The following SLC8A1 variants were observed in gnomAD, a reference collection of about 807,000 sequenced individuals.
The protein encoded by SLC8A1 is sodium/calcium exchanger 1.
A neutral mutation model predicts 68.3 loss-of-function variants in SLC8A1; 18 were observed. The ratio of observed to expected loss-of-function variants is 0.26; its 90% confidence interval spans 0.18 to 0.39. The LOEUF is 0.39. SLC8A1 is among the 10% of genes least tolerant of loss of function. The pLI is 1.00. For synonymous variants in SLC8A1, 475 were observed against 415.5 expected (o/e 1.14, Z -1.74); for missense variants, 985 against 1,156.7 (o/e 0.85, Z 2.15).
chr2:40,183,613 GC>G (rs2050060323), intron 2 of SLC8A1, among the ~76,000 whole-genome samples: 5 of 152,162 alleles, frequency 3.3e-5, no homozygotes, highest in Non-Finnish European at 7.3e-5. Flanking sequence ...CACAGAATCT[GC>G]ATTTTAACAA....
intron 1 of SLC8A1, among the ~76,000 whole-genome samples, chr2:40,506,884 C>G (rs971273577): frequency 2.0e-5 from 3 of 151,936 alleles, no homozygotes; most frequent in Non-Finnish European, 4.4e-5. Flanking sequence ...CCGCACATGT[C>G]TGGTAGAATG....
Position 40,379,056 on chromosome 2 carries a change from G to A in SLC8A1, c.1808+49417C>T, listed in dbSNP as rs903608963. ...TGTCCATCTTTGTCACTGTTTTACC[G>A]CCAGTTTCCAGAATAGCATCTGGCT... On this transcript the variant is annotated intron_variant, in intron 2 of 7. Transcript: ENST00000406785. Among the ~76,000 whole-genome samples, 5 of 152,010 alleles carry A rather than the reference G, an allele frequency of 3.3e-5. No homozygotes were observed. In the South Asian group the frequency reaches 6.2e-4, roughly 19 times the overall value.
Position 40,176,043 on chromosome 2 carries a change from C to T in SLC8A1, c.1913-1201G>A, listed in dbSNP as rs576486333. ...GGGCATTGGGTTGGGGGGAGGGGGA[C>T]GTATAATTTGTCTTTCAGCTTATGT... is the stretch of plus-strand genomic sequence containing the variant. On this transcript the variant is annotated intron_variant, in intron 3 of 7. Coordinates refer to ENST00000406785, the Ensembl canonical transcript of SLC8A1. 2.0e-4 allele frequency: 84 copies of T among 428,054 alleles called. No homozygotes were observed. In the East Asian group the frequency reaches 4.1e-3, roughly 21 times the overall value. 26.5% of individuals were successfully genotyped at this position (428,054 alleles called of 1,614,324 possible). A position where few individuals can be genotyped will look rare whatever the true frequency, so the allele number is the denominator to read the frequency against.
intron 2 of SLC8A1, among the ~76,000 whole-genome samples, chr2:40,262,926 A>T (rs1210856578): frequency 6.6e-6 from 1 of 152,248 alleles, no homozygotes; most frequent in Non-Finnish European, 1.5e-5. Flanking sequence ...CCACAGAGGT[A>T]CCCAAGAATC....
intron 2 of SLC8A1, among the ~76,000 whole-genome samples, chr2:40,348,399 C>T (rs1042518968): frequency 1.3e-5 from 2 of 152,176 alleles, no homozygotes; most frequent in Non-Finnish European, 2.9e-5. Flanking sequence ...GATCTCCTAT[C>T]CCATCAAAGA....
chr2:40,290,714 T>C (rs896301039), intron 2 of SLC8A1, among the ~76,000 whole-genome samples: 19 of 152,174 alleles, frequency 1.2e-4, no homozygotes, highest in Non-Finnish European at 1.5e-4. Context: ...ATTTGAAGGA[T>C]CCTAAAATAC....
intron 2 of SLC8A1, among the ~76,000 whole-genome samples, chr2:40,293,570 C>T (rs2069737280): frequency 6.6e-6 from 1 of 152,226 alleles, no homozygotes; most frequent in East Asian, 1.9e-4. Flanking sequence ...GCTCTCTTCC[C>T]TTAATATGAG....
At chr2:40,333,958 G>A (rs920987586) in intron 2 of SLC8A1, among the ~76,000 whole-genome samples, 5 of 152,122 alleles carry the variant, frequency 3.3e-5, no homozygotes, top group East Asian at 1.9e-4. Flanking sequence ...TGAGGCAGGC[G>A]AATCACTTGA....
intron 2 of SLC8A1, among the ~76,000 whole-genome samples, chr2:40,358,297 A>C (rs1673402996): frequency 6.6e-6 from 1 of 151,698 alleles, no homozygotes; most frequent in African/African-American, 2.4e-5. Flanking sequence ...AAGACCCACC[A>C]CATTGTGCCC....
chr2:40,455,651 G>C (rs574077407), upstream of SLC8A1, among the ~76,000 whole-genome samples: 1 of 152,186 alleles, frequency 6.6e-6, no homozygotes, highest in East Asian at 1.9e-4. Context: ...TCCCAGTTTT[G>C]TTCTTTAGGT....
At chr2:40,371,240 G>C (rs765391696) in intron 2 of SLC8A1, among the ~76,000 whole-genome samples, 3 of 152,076 alleles carry the variant, frequency 2.0e-5, no homozygotes, top group African/African-American at 4.8e-5. Flanking sequence ...TTTCAGTGTA[G>C]GGGTTAAGAT....
intron 2 of SLC8A1, among the ~76,000 whole-genome samples, chr2:40,277,222 T>C (rs1186127152): frequency 6.8e-6 from 1 of 147,738 alleles, no homozygotes; most frequent in East Asian, 2.2e-4. Flanking sequence ...TTGCCCTCTC[T>C]ATGCCTGTTT....
chr2:40,230,564 T>C (rs1241269284), intron 2 of SLC8A1, among the ~76,000 whole-genome samples: 1 of 152,184 alleles, frequency 6.6e-6, no homozygotes, highest in Non-Finnish European at 1.5e-5. Context: ...AGGATACACA[T>C]GATAGGCGTG....
intron 2 of SLC8A1, among the ~76,000 whole-genome samples, chr2:40,271,508 A>G (rs1215742190): frequency 6.6e-6 from 1 of 151,972 alleles, no homozygotes; most frequent in Non-Finnish European, 1.5e-5. Flanking sequence ...CCCTCACTGA[A>G]CCTATTTTTC....
intron 2 of SLC8A1, among the ~76,000 whole-genome samples, chr2:40,426,742 A>G (rs1489372269): frequency 4.6e-5 from 7 of 152,078 alleles, no homozygotes; most frequent in African/African-American, 1.4e-4. Context: ...AGTTCATTTA[A>G]CGACATGAAA....
At chr2:40,245,171 C>T (rs1473145707) in intron 2 of SLC8A1, among the ~76,000 whole-genome samples, 1 of 120,350 alleles carries the variant, frequency 8.3e-6, no homozygotes, top group Non-Finnish European at 1.7e-5. Flanking sequence ...CTCCAGTGGA[C>T]TCAGTCTTAT....
At position 40,115,467 on chromosome 2, in the gene SLC8A1, G is replaced by A. The variant is rs201804871; in HGVS notation, c.2600C>T (p.Ser867Phe). ...GACAGAGAAAGCTAGTGTGCCAGGG[G>A]ACACTTTGAACTGTTCCCCATTGGC... is the stretch of plus-strand genomic sequence containing the variant. Residue 867 changes from serine (S) to phenylalanine (F), a missense_variant, in exon 8 of 8, where the codon TCC becomes TTC. By Grantham distance (155) the Ser-to-Phe change is radical (BLOSUM62 -2). This residue lies in a region of SLC8A1 where 144 missense variants were observed against 260.4 expected (regional missense o/e 0.55). Coordinates refer to ENST00000406785, the Ensembl canonical transcript of SLC8A1. The A allele has an allele frequency of 1.6e-5, 26 of 1,614,176 alleles. No homozygotes were observed. In the East Asian group the frequency reaches 5.3e-4, roughly 33 times the overall value.
chr2:40,483,157 A>G (rs1271807350), intron 1 of SLC8A1, among the ~76,000 whole-genome samples: 1 of 151,652 alleles, frequency 6.6e-6, no homozygotes, highest in Admixed American at 6.6e-5. Context: ...ATAAATAAAA[A>G]TATACAATAA....
intron 2 of SLC8A1, among the ~76,000 whole-genome samples, chr2:40,308,689 T>C (rs1300598460): frequency 6.6e-6 from 1 of 152,058 alleles, no homozygotes; most frequent in Non-Finnish European, 1.5e-5. Context: ...TAAAGGTGTA[T>C]TGGGCTCGCA....
Sources: gnomAD v4.1 joint callset for allele counts (sites outside exome capture counted in the v4.1 genomes callset) on GRCh38, gnomAD v4.1.1 for gene constraint, gnomAD v4.1.1 regional missense constraint, MANE v1.5 for transcripts, NCBI Gene and HGNC (gene_info 2026-07-23, HGNC 2026-07-21) for gene names.